CAMTA1: variants seen among roughly 807,000 people sequenced by gnomAD.
CAMTA1 encodes the protein calmodulin binding transcription activator 1.
CAMTA1 carries 27 observed loss-of-function variants against 170.9 expected under a neutral mutation model. That is an observed-to-expected ratio of 0.16 (90% CI 0.12 to 0.22). CAMTA1 has a LOEUF of 0.22. Ranked by LOEUF, CAMTA1 falls within the 10% of genes least tolerant of loss-of-function variation. CAMTA1 has a pLI of 1.00. For missense variants in CAMTA1, 1,619 were observed against 2,217.2 expected (o/e 0.73, Z 5.42); for synonymous variants, 833 against 891.5 (o/e 0.93, Z 1.17).
intron 3 of CAMTA1, among the ~76,000 whole-genome samples, chr1:6,905,310 C>G (rs1017899837): frequency 6.6e-6 from 1 of 151,512 alleles, no homozygotes; most frequent in Non-Finnish European, 1.5e-5. Context: ...TCTCCTGCCT[C>G]AGCCTCCTGA....
chr1:7,348,762 T>G (rs34076224), intron 5 of CAMTA1, among the ~76,000 whole-genome samples: 1 of 152,108 alleles, frequency 6.6e-6, no homozygotes, highest in Non-Finnish European at 1.5e-5. Context: ...AAACAGCAAA[T>G]TTCAGGAATG....
chr1:7,288,721 G>A (rs1311592783), intron 5 of CAMTA1, among the ~76,000 whole-genome samples: 1 of 152,206 alleles, frequency 6.6e-6, no homozygotes, highest in African/African-American at 2.4e-5. Context: ...CCCATGCAAA[G>A]CCCAAGAAGT....
intron 3 of CAMTA1, among the ~76,000 whole-genome samples, chr1:6,834,021 G>C (rs556765936): frequency 6.6e-6 from 1 of 152,058 alleles, no homozygotes; most frequent in South Asian, 2.1e-4. Context: ...GGCCTCTCTT[G>C]GGTCTTAGGT....
At chr1:7,117,887 C>A (rs1326003103) in intron 4 of CAMTA1, among the ~76,000 whole-genome samples, 1 of 152,172 alleles carries the variant, frequency 6.6e-6, no homozygotes, top group Non-Finnish European at 1.5e-5. Flanking sequence ...ACCAGGCCTG[C>A]CCACTCAGGC....
chr1:7,109,037 C>A (rs956504928), intron 4 of CAMTA1, among the ~76,000 whole-genome samples: 1 of 152,240 alleles, frequency 6.6e-6, no homozygotes, highest in African/African-American at 2.4e-5. Flanking sequence ...CCAGAGGCTG[C>A]CCTCAGTTCC....
intron 3 of CAMTA1, among the ~76,000 whole-genome samples, chr1:6,843,806 C>T (rs1656846727): frequency 6.6e-6 from 1 of 152,154 alleles, no homozygotes; most frequent in Non-Finnish European, 1.5e-5. Flanking sequence ...TTCTCTATGA[C>T]ATTGACATAC....
At chr1:7,268,122 G>T (rs986288441) in intron 5 of CAMTA1, among the ~76,000 whole-genome samples, 1 of 152,172 alleles carries the variant, frequency 6.6e-6, no homozygotes, top group Non-Finnish European at 1.5e-5. Flanking sequence ...CTGGCTGGAG[G>T]CATTTTCCAG....
chr1:7,270,291 A>ATATATTTTT (rs1336977888), intron 5 of CAMTA1, among the ~76,000 whole-genome samples: 8 of 110,566 alleles, frequency 7.2e-5, no homozygotes, highest in African/African-American at 2.7e-4. Context: ...ATATATATAT[A>ATATATTTTT]TTTTTTTTTT....
At chr1:6,791,108 T>C (rs977027681) in intron 1 of CAMTA1, among the ~76,000 whole-genome samples, 1 of 125,020 alleles carries the variant, frequency 8.0e-6, no homozygotes, top group Non-Finnish European at 1.7e-5. Context: ...TCATGTACCC[T>C]GTCCTTTTTT....
chr1:7,059,160 C>T (rs1484057509), intron 3 of CAMTA1, among the ~76,000 whole-genome samples: 1 of 152,206 alleles, frequency 6.6e-6, no homozygotes, highest in East Asian at 1.9e-4. Flanking sequence ...CTCTCATTCC[C>T]AGATGTTTCT....
intron 4 of CAMTA1, among the ~76,000 whole-genome samples, chr1:7,127,102 A>C (rs1424841361): frequency 6.6e-6 from 1 of 152,062 alleles, no homozygotes; most frequent in Admixed American, 6.6e-5. Flanking sequence ...GTCAGGCAGC[A>C]TGGGGCCTGG....
Position 7,195,585 on chromosome 1 carries a change from C to T in CAMTA1, c.303-53906C>T, listed in dbSNP as rs117631750. 2.4e-4 allele frequency among the ~76,000 whole-genome samples: 37 copies of T among 152,286 alleles called. No homozygotes were observed. In the East Asian group the frequency reaches 6.8e-3, roughly 28 times the overall value. On this transcript the variant is annotated intron_variant, in intron 4 of 22. Coordinates refer to ENST00000303635, the MANE Select transcript of CAMTA1 (RefSeq NM_015215.4). This position sits in a 1 kb window ranked among gnomAD's most constrained non-coding sequence, Gnocchi z 4.1. ...AGTGGTTGGCACTGTGACACTCTCCCGCCACACATGGCACACTCACCTTCA... is the reference window on the plus strand; with the variant it reads ...AGTGGTTGGCACTGTGACACTCTCCTGCCACACATGGCACACTCACCTTCA...
Position 7,117,623 on chromosome 1 carries a change from G to A in CAMTA1, c.302+26252G>A, listed in dbSNP as rs556968123. ...TAACTGGCTCCCCCCTAGTGGGCAC[G>A]GGTGACTCTAGCACACCACTGCCTA... On this transcript the variant is annotated intron_variant, in intron 4 of 22. Coordinates refer to ENST00000303635, the MANE Select transcript of CAMTA1 (RefSeq NM_015215.4). Among the ~76,000 whole-genome samples, 22 of 152,308 alleles carry A rather than the reference G, an allele frequency of 1.4e-4. No homozygotes were observed. The South Asian group carries it at 3.9e-3, about 27-fold the overall frequency.
At position 7,144,635 on chromosome 1, in the gene CAMTA1, G is replaced by A. The variant is rs1489879586; in HGVS notation, c.302+53264G>A. ...ACGAGACTTGTTTATACAGATATTA[G>A]GACTTGCAATTGTCAGGTCACACCA... On this transcript the variant is annotated intron_variant, in intron 4 of 22. Coordinates refer to ENST00000303635, the MANE Select transcript of CAMTA1 (RefSeq NM_015215.4). The surrounding 1 kb of genome is among the most constrained non-coding windows in gnomAD (Gnocchi z 4.0). Among the ~76,000 whole-genome samples, 1 of 152,130 alleles carries A rather than the reference G, an allele frequency of 6.6e-6. No individual in the cohort carries two copies. Among genetic ancestry groups the A allele is most frequent in the Non-Finnish European group, 1.5e-5 (1 of 68,028 alleles).
intron 5 of CAMTA1, among the ~76,000 whole-genome samples, chr1:7,309,287 A>ATTTTTT (rs34401498): frequency 4.3e-5 from 3 of 70,462 alleles, no homozygotes; most frequent in Admixed American, 2.4e-4. Context: ...CAGTTAGAAA[A>ATTTTTT]TTTTTTTTTT....
intron 22 of CAMTA1, among the ~76,000 whole-genome samples, chr1:7,764,295 T>C (rs913797838): frequency 6.6e-6 from 1 of 152,312 alleles, no homozygotes; most frequent in African/African-American, 2.4e-5. Flanking sequence ...CAAAAAAAGA[T>C]TCAACAGTTT....
At position 7,227,689 on chromosome 1, in the gene CAMTA1, C is replaced by T. The variant is rs559503405; in HGVS notation, c.303-21802C>T. Among the ~76,000 whole-genome samples the T allele has an allele frequency of 4.6e-5, 7 of 152,286 alleles. No homozygotes were observed. In the South Asian group the frequency reaches 1.5e-3, roughly 32 times the overall value. ...TGTGGGCCAATGTTCCTGGGGGCTG[C>T]CTGGGTTTCCTAAAATGGGGGTAAT... On this transcript the variant is annotated intron_variant, in intron 4 of 22. Transcript: ENST00000303635.
chr1:7,498,525 ATGTTG>A lies in CAMTA1; in HGVS notation c.510+30630_510+30634del, dbSNP rs1575634941. Among the ~76,000 whole-genome samples, 4 of 151,412 alleles carry A rather than the reference ATGTTG, an allele frequency of 2.6e-5. No homozygotes were observed. In the South Asian group the frequency reaches 8.4e-4, roughly 32 times the overall value. On this transcript the variant is annotated intron_variant, in intron 6 of 22. Transcript: ENST00000303635. ...TGGGTGTGGGTGTATATGCATAGGA[ATGTTG>A]TGTTGCATGTGTGCATGTTAATCTA...
At chr1:7,760,825 C>T (rs1363625645) in intron 22 of CAMTA1, among the ~76,000 whole-genome samples, 2 of 152,196 alleles carry the variant, frequency 1.3e-5, no homozygotes, top group Non-Finnish European at 2.9e-5. Context: ...CTATTTTTGA[C>T]GTCCAGCATT....
Sources: allele counts gnomAD v4.1 joint callset (sites outside exome capture counted in the v4.1 genomes callset), GRCh38; gene constraint gnomAD v4.1.1; non-coding constraint Gnocchi (gnomAD v3.1); transcripts MANE v1.5; gene names NCBI Gene and HGNC (gene_info 2026-07-23, HGNC 2026-07-21).